ENTREP2: variants seen among roughly 807,000 people sequenced by gnomAD.
The protein encoded by ENTREP2 is endosomal transmembrane epsin interactor 2.
chr15:29,231,880 C>CTTTTTT, the ENTREP2 span, among the ~76,000 whole-genome samples: 2 of 99,098 alleles, frequency 2.0e-5, no homozygotes, highest in Non-Finnish European at 2.4e-5. Flanking sequence ...AATAAGTTTT[C>CTTTTTT]TTTTCTTTTC....
chr15:29,179,325 A>T, the ENTREP2 span, among the ~76,000 whole-genome samples: 1 of 152,252 alleles, frequency 6.6e-6, no homozygotes, highest in South Asian at 2.1e-4. Flanking sequence ...CACAATGCAA[A>T]TTCCTTTTTT....
the ENTREP2 span, among the ~76,000 whole-genome samples, chr15:29,614,722 G>T: frequency 1.3e-5 from 2 of 152,146 alleles, no homozygotes; most frequent in Admixed American, 1.3e-4. Context: ...CTATGTCCAC[G>T]TAGTAGCCAG....
At chr15:29,232,898 A>G in the ENTREP2 span, among the ~76,000 whole-genome samples, 5 of 152,230 alleles carry the variant, frequency 3.3e-5, no homozygotes, top group African/African-American at 1.2e-4. Flanking sequence ...TTGTCACAAT[A>G]TATTTAAAAT....
the ENTREP2 span, among the ~76,000 whole-genome samples, chr15:29,327,574 G>A: frequency 2.9e-4 from 41 of 140,510 alleles, no homozygotes; most frequent in African/African-American, 9.8e-4. Flanking sequence ...CAGGCTGTGC[G>A]ACAGAGCAAG....
At chr15:29,177,742 C>T in the ENTREP2 span, among the ~76,000 whole-genome samples, 2 of 151,996 alleles carry the variant, frequency 1.3e-5, no homozygotes, top group South Asian at 2.1e-4. Flanking sequence ...GACATCCAGG[C>T]GGCACCGGGC....
chr15:29,587,719 G>C, the ENTREP2 span, among the ~76,000 whole-genome samples: 11 of 152,146 alleles, frequency 7.2e-5, no homozygotes, highest in African/African-American at 1.4e-4. Flanking sequence ...GAGAGCAGTG[G>C]TATGATCTCA....
chr15:29,268,074 T>C, the ENTREP2 span: 1 of 152,210 alleles, frequency 6.6e-6, no homozygotes, highest in African/African-American at 2.4e-5. Context: ...CCTTAATATG[T>C]AGCAAAAACT....
chr15:29,220,943 A>T, the ENTREP2 span, among the ~76,000 whole-genome samples: 1 of 152,110 alleles, frequency 6.6e-6, no homozygotes, highest in Non-Finnish European at 1.5e-5. Flanking sequence ...TTATTTGTGA[A>T]ATAGTAGATC....
chr15:29,255,443 T>A, the ENTREP2 span, among the ~76,000 whole-genome samples: 2 of 152,188 alleles, frequency 1.3e-5, no homozygotes, highest in Admixed American at 1.3e-4. Context: ...GTTCAGCCAC[T>A]GTGGAAAGCA....
the ENTREP2 span, among the ~76,000 whole-genome samples, chr15:29,666,072 G>C: frequency 6.6e-6 from 1 of 151,722 alleles, no homozygotes; most frequent in Non-Finnish European, 1.5e-5. Flanking sequence ...GGCCAGGCTG[G>C]TCTCGAACTC....
At chr15:29,240,304 C>T in the ENTREP2 span, among the ~76,000 whole-genome samples, 1 of 150,718 alleles carries the variant, frequency 6.6e-6, no homozygotes, top group African/African-American at 2.4e-5. Context: ...GCGGAGGTTG[C>T]AGTGAGCAGA....
the ENTREP2 span, among the ~76,000 whole-genome samples, chr15:29,215,311 C>T: frequency 6.6e-6 from 1 of 152,056 alleles, no homozygotes; most frequent in African/African-American, 2.4e-5. Context: ...GAAAGGCAGA[C>T]CCACCCTCAA....
the ENTREP2 span, among the ~76,000 whole-genome samples, chr15:29,299,706 T>A: frequency 6.6e-6 from 1 of 152,224 alleles, no homozygotes. Flanking sequence ...GTTAACTTAT[T>A]TAACTATACT....
chr15:29,470,970 G>T, the ENTREP2 span, among the ~76,000 whole-genome samples: 3 of 152,170 alleles, frequency 2.0e-5, no homozygotes, highest in Admixed American at 6.5e-5. Context: ...CAAAATACTG[G>T]CTATGGCTCG....
At chr15:29,381,417 T>C in the ENTREP2 span, among the ~76,000 whole-genome samples, 52 of 135,200 alleles carry the variant, frequency 3.8e-4, no homozygotes, top group African/African-American at 1.4e-3. Flanking sequence ...GATCATGCCA[T>C]TGCACTCCAG....
At chr15:29,628,244 T>A in the ENTREP2 span, among the ~76,000 whole-genome samples, 3 of 152,240 alleles carry the variant, frequency 2.0e-5, no homozygotes, top group African/African-American at 7.2e-5. Flanking sequence ...ACATCTTTGA[T>A]GTGTTTATTG....
the ENTREP2 span, among the ~76,000 whole-genome samples, chr15:29,417,511 G>C: frequency 6.6e-6 from 1 of 152,272 alleles, no homozygotes; most frequent in Admixed American, 6.5e-5. Flanking sequence ...GGGGAGCAGA[G>C]AGAGATAGCA....
At chr15:29,615,856 C>T in the ENTREP2 span, among the ~76,000 whole-genome samples, 1 of 152,180 alleles carries the variant, frequency 6.6e-6, no homozygotes, top group Non-Finnish European at 1.5e-5. Context: ...TCTTTCTTCC[C>T]TACCCGGCAG....
chr15:29,638,508 C>T, the ENTREP2 span, among the ~76,000 whole-genome samples: 1 of 152,212 alleles, frequency 6.6e-6, no homozygotes, highest in Non-Finnish European at 1.5e-5. Context: ...GAAGCTTATT[C>T]AGTCACATTG....
Sources: allele counts gnomAD v4.1 joint callset (sites outside exome capture counted in the v4.1 genomes callset), GRCh38; gene constraint gnomAD v4.1.1; transcripts MANE v1.5; gene names NCBI Gene and HGNC (gene_info 2026-07-23, HGNC 2026-07-21).